The following DPP6 variants were observed in gnomAD, a reference collection of about 807,000 sequenced individuals.
The protein encoded by DPP6 is A-type potassium channel modulatory protein DPP6.
Under a neutral mutation model 122.6 loss-of-function variants are expected in DPP6, and 69 were observed. The observed-to-expected ratio is 0.56, with a 90% CI of 0.46 to 0.69. The LOEUF is 0.69. Ranked by LOEUF, DPP6 falls within the 30% of genes least tolerant of loss-of-function variation. The pLI, the probability that DPP6 is intolerant of heterozygous loss-of-function variation, is 0.00. For synonymous variants in DPP6, 418 were observed against 433.1 expected, an observed-to-expected ratio of 0.97 and a Z score of 0.43; for missense variants, 928 against 1,116.9, an observed-to-expected ratio of 0.83 and a Z score of 2.41.
chr7:154,726,625 T>G (rs1421614007), intron 7 of DPP6, among the ~76,000 whole-genome samples: 1 of 152,204 alleles, frequency 6.6e-6, no homozygotes, highest in African/African-American at 2.4e-5. Flanking sequence ...TGCCTCAAAG[T>G]TCTCTGAAAT....
At chr7:153,887,476 G>C (rs977566652) in exon 1 of DPP6, 6 of 503,900 alleles carry the variant, frequency 1.2e-5, no homozygotes, top group Non-Finnish European at 2.1e-5. Flanking sequence ...CGGCCAAAAA[G>C]AGTTGATTGC....
intron 1 of DPP6, among the ~76,000 whole-genome samples, chr7:153,996,161 C>T (rs911682844): frequency 6.6e-6 from 1 of 152,130 alleles, no homozygotes; most frequent in African/African-American, 2.4e-5. Context: ...TCAAGAGACA[C>T]TCCACTGTGA....
chr7:154,739,544 G>T (rs1586991733), intron 8 of DPP6, among the ~76,000 whole-genome samples: 1 of 152,162 alleles, frequency 6.6e-6, no homozygotes, highest in Admixed American at 6.5e-5. Flanking sequence ...TGTCCCCCAT[G>T]GAATCATCAA....
At chr7:154,630,461 G>A (rs1361988537) in intron 5 of DPP6, among the ~76,000 whole-genome samples, 2 of 152,180 alleles carry the variant, frequency 1.3e-5, no homozygotes, top group Non-Finnish European at 2.9e-5. Context: ...TGGCTGATGC[G>A]AATTCCAATA....
At chr7:153,808,287 CTGTG>C in the DPP6 span, among the ~76,000 whole-genome samples, 7 of 143,246 alleles carry the variant, frequency 4.9e-5, no homozygotes, top group Non-Finnish European at 7.6e-5. Context: ...ACGTGTGTGC[CTGTG>C]TGTGTGTCTG....
chr7:154,543,965 G>C (rs1399209422), intron 4 of DPP6, among the ~76,000 whole-genome samples: 2 of 132,456 alleles, frequency 1.5e-5, no homozygotes, highest in African/African-American at 5.9e-5. Context: ...CTACACGCCA[G>C]CCTGGGCAAC....
chr7:154,176,000 T>G (rs2150737550), intron 1 of DPP6, among the ~76,000 whole-genome samples: 1 of 152,314 alleles, frequency 6.6e-6, no homozygotes, highest in South Asian at 2.1e-4. Flanking sequence ...AGGCTGGCTT[T>G]TTTTTGCTTC....
chr7:154,575,494 GTT>G (rs1831577091), intron 5 of DPP6, among the ~76,000 whole-genome samples: 30 of 94,222 alleles, frequency 3.2e-4, no homozygotes, highest in Non-Finnish European at 5.2e-4. Context: ...TGTGGTGTGT[GTT>G]TGTGTGGTGT....
intron 1 of DPP6, among the ~76,000 whole-genome samples, chr7:153,993,963 C>T (rs1174658067): frequency 1.3e-5 from 2 of 152,188 alleles, no homozygotes; most frequent in Non-Finnish European, 2.9e-5. Flanking sequence ...ATCAGGGATA[C>T]TTCCTTACAA....
the DPP6 span, among the ~76,000 whole-genome samples, chr7:153,826,775 T>A: frequency 6.6e-6 from 1 of 152,296 alleles, no homozygotes; most frequent in South Asian, 2.1e-4. Flanking sequence ...AGAATCCCAA[T>A]ACATTAATGA....
At chr7:154,784,221 G>T (rs1290866851) in intron 10 of DPP6, among the ~76,000 whole-genome samples, 1 of 152,112 alleles carries the variant, frequency 6.6e-6, no homozygotes, top group Non-Finnish European at 1.5e-5. Flanking sequence ...GCTACAACTT[G>T]CACTGTGAAC....
chr7:154,153,779 C>T (rs10249189), intron 1 of DPP6, among the ~76,000 whole-genome samples: 12,840 of 122,548 alleles, frequency 0.1, 4 homozygotes, highest in African/African-American at 0.3. Context: ...CATAGATGAA[C>T]GGGTGTGACT....
chr7:154,011,471 C>A (rs187325847), intron 1 of DPP6, among the ~76,000 whole-genome samples: 5 of 152,190 alleles, frequency 3.3e-5, no homozygotes, highest in Admixed American at 1.3e-4. Context: ...ATAGGGAGTA[C>A]AAAAAATTCA....
intron 4 of DPP6, among the ~76,000 whole-genome samples, chr7:154,561,566 G>A (rs925110622): frequency 1.3e-5 from 2 of 152,042 alleles, no homozygotes; most frequent in Non-Finnish European, 1.5e-5. Context: ...CAAAATTTAC[G>A]GTATGCAACA....
intron 1 of DPP6, among the ~76,000 whole-genome samples, chr7:154,242,796 A>G (rs1444298685): frequency 6.6e-6 from 1 of 152,196 alleles, no homozygotes; most frequent in East Asian, 1.9e-4. Flanking sequence ...ATGAAGACTC[A>G]TTGCTGGTTT....
intron 7 of DPP6, among the ~76,000 whole-genome samples, chr7:154,721,338 C>CTGGG (rs1841795711): frequency 6.6e-6 from 1 of 152,172 alleles, no homozygotes; most frequent in African/African-American, 2.4e-5. Flanking sequence ...CACCCCTGAC[C>CTGGG]CACCAGCTGC....
At chr7:154,180,714 C>CT (rs912498260) in intron 1 of DPP6, among the ~76,000 whole-genome samples, 4 of 151,716 alleles carry the variant, frequency 2.6e-5, no homozygotes, top group African/African-American at 9.7e-5. Flanking sequence ...GAATGACAAT[C>CT]TTTTTTTAAA....
At chr7:153,817,011 C>G in the DPP6 span, among the ~76,000 whole-genome samples, 1 of 147,672 alleles carries the variant, frequency 6.8e-6, no homozygotes, top group Admixed American at 6.7e-5. Context: ...TATGGGGAAA[C>G]ATAAAATTCT....
rs137881884 is a variant in DPP6, at chr7:154,184,670, G to T, written c.243+131607G>T. Among the ~76,000 whole-genome samples the T allele has an allele frequency of 4.8e-4, 71 of 149,290 alleles. No homozygotes were observed. In the East Asian group the frequency reaches 0.012, roughly 24 times the overall value. On this transcript the variant is annotated intron_variant, in intron 1 of 25. Coordinates refer to ENST00000377770, the MANE Select transcript of DPP6 (RefSeq NM_130797.4). ...TCAACTTACTGAACAAAAAGAAAAA[G>T]TTTAATTTCTGGAAAAAAAAAAAAA...
Sources: allele counts gnomAD v4.1 joint callset (sites outside exome capture counted in the v4.1 genomes callset), GRCh38; gene constraint gnomAD v4.1.1; transcripts MANE v1.5; gene names NCBI Gene and HGNC (gene_info 2026-07-23, HGNC 2026-07-21).